The following PCSK6 variants were observed in gnomAD, a reference collection of about 807,000 sequenced individuals.
PCSK6 encodes the protein paired basic amino acid cleaving enzyme 4.
In PCSK6, 85 loss-of-function variants were observed where a neutral mutation model predicts 123.3. The observed-to-expected ratio is 0.69, with a 90% CI of 0.58 to 0.83. The LOEUF (loss-of-function observed/expected upper bound fraction) is 0.83. PCSK6 is among the 40% of genes least tolerant of loss of function. PCSK6 has a pLI of 0.00. For synonymous variants in PCSK6, 508 were observed against 516.0 expected (o/e 0.98, Z 0.21); for missense variants, 1,191 against 1,282.3 (o/e 0.93, Z 1.09).
intron 13 of PCSK6, among the ~76,000 whole-genome samples, chr15:101,359,234 C>G (rs1426467796): frequency 1.3e-5 from 2 of 152,170 alleles, no homozygotes; most frequent in Non-Finnish European, 2.9e-5. Context: ...GAGAATGTGT[C>G]CCCGCCCCCC....
At chr15:101,341,142 C>T (rs1035514425) in intron 13 of PCSK6, among the ~76,000 whole-genome samples, 8 of 151,732 alleles carry the variant, frequency 5.3e-5, no homozygotes, top group Non-Finnish European at 7.4e-5. Flanking sequence ...ACCATGTTGG[C>T]CAGGCTGGTC....
At chr15:101,440,546 A>T (rs565450250) in intron 2 of PCSK6, among the ~76,000 whole-genome samples, 45 of 152,342 alleles carry the variant, frequency 3.0e-4, no homozygotes, top group African/African-American at 1.1e-3. Context: ...GACTGGAACT[A>T]ATTAAAATAA....
At chr15:101,455,612 CT>C (rs2057158966) in intron 1 of PCSK6, among the ~76,000 whole-genome samples, 1 of 152,222 alleles carries the variant, frequency 6.6e-6, no homozygotes, top group African/African-American at 2.4e-5. Context: ...TGCTGCTGGC[CT>C]TGTGACAGCT....
At chr15:101,476,576 A>C (rs1005864413) in intron 1 of PCSK6, among the ~76,000 whole-genome samples, 2 of 145,020 alleles carry the variant, frequency 1.4e-5, no homozygotes, top group African/African-American at 2.5e-5. Flanking sequence ...AAAAAAAAAA[A>C]CAACAAAAAT....
chr15:101,414,952 G>A (rs2055835196), intron 6 of PCSK6, among the ~76,000 whole-genome samples: 1 of 151,748 alleles, frequency 6.6e-6, no homozygotes, highest in Non-Finnish European at 1.5e-5. Context: ...TGAGAAGAAG[G>A]ATGATAAAAT....
Position 101,489,329 on chromosome 15 carries a change from A to AGGCCGCCGGG in PCSK6, c.297+35_297+44dup, listed in dbSNP as rs2058105213. 3.6e-6 allele frequency: 4 copies of AGGCCGCCGGG among 1,096,908 alleles called. No homozygotes were observed. In the Admixed American group the frequency reaches 2.2e-4, roughly 61 times the overall value. 67.9% of individuals were successfully genotyped at this position (1,096,908 alleles called of 1,614,324 possible). ...GAGGCGCCCCCCTCGCGCGCGCCGGAGGCCGCCGGGAAAGTTTTGGGCGCG... is the reference window on the plus strand; with the variant it reads ...GAGGCGCCCCCCTCGCGCGCGCCGGAGGCCGCCGGGGGCCGCCGGGAAAGTTTTGGGCGCG... On this transcript the variant is annotated intron_variant, in intron 1 of 21. Coordinates refer to ENST00000611716, the MANE Select transcript of PCSK6 (RefSeq NM_002570.5).
chr15:101,405,490 G>T (rs1171772307), intron 6 of PCSK6, among the ~76,000 whole-genome samples: 1 of 152,090 alleles, frequency 6.6e-6, no homozygotes, highest in Non-Finnish European at 1.5e-5. Context: ...AAGAACTCGG[G>T]GTGCTATGGG....
chr15:101,391,852 T>G (rs12903679), intron 8 of PCSK6, among the ~76,000 whole-genome samples: 14,654 of 152,258 alleles, frequency 0.096, 747 homozygotes, highest in Middle Eastern at 0.13. Context: ...ACAAAGTATA[T>G]TTTCTCTTTT....
At position 101,431,432 on chromosome 15, in the gene PCSK6, G is replaced by A. The variant is rs773765815; in HGVS notation, c.545C>T (p.Ser182Leu). ...HCGDKNSRCR[S>L]EMNVQAAWKR... ...CCACGCTGCCTGGACATTCATTTCCGACCGGCAGCGACTGTTCTTGTCGCC... is the reference window on the plus strand; with the variant it reads ...CCACGCTGCCTGGACATTCATTTCCAACCGGCAGCGACTGTTCTTGTCGCC... Residue 182 changes from serine to leucine, a missense_variant, in exon 4 of 22, where the codon TCG becomes TTG. By Grantham distance (145) the Ser-to-Leu change is moderately radical. Coordinates refer to ENST00000611716, the MANE Select transcript of PCSK6 (RefSeq NM_002570.5). 73 of 1,613,542 alleles carry A rather than the reference G, an allele frequency of 4.5e-5. 1 individual carries two copies. Among genetic ancestry groups the A allele is most frequent in the Non-Finnish European group, 5.2e-5 (61 of 1,179,828 alleles).
At chr15:101,439,031 A>T (rs1163350468) in intron 2 of PCSK6, among the ~76,000 whole-genome samples, 3 of 152,234 alleles carry the variant, frequency 2.0e-5, no homozygotes, top group African/African-American at 4.8e-5. Context: ...CCTCAGGAGC[A>T]TGGGAGGTGA....
intron 6 of PCSK6, among the ~76,000 whole-genome samples, chr15:101,423,706 A>G (rs1345690390): frequency 6.6e-6 from 1 of 152,236 alleles, no homozygotes; most frequent in Non-Finnish European, 1.5e-5. Flanking sequence ...AGGCGTATTA[A>G]GCAATCTAAC....
At chr15:101,401,609 T>C (rs770265600) in intron 6 of PCSK6, among the ~76,000 whole-genome samples, 1 of 151,958 alleles carries the variant, frequency 6.6e-6, no homozygotes, top group East Asian at 1.9e-4. Flanking sequence ...GACCAGGTAG[T>C]GACTCTGAAG....
chr15:101,487,087 T>C (rs2058037079), intron 1 of PCSK6, among the ~76,000 whole-genome samples: 2 of 152,046 alleles, frequency 1.3e-5, no homozygotes, highest in African/African-American at 2.4e-5. Flanking sequence ...TTTCAAAGAG[T>C]TCTTATTGAG....
At chr15:101,468,755 A>T (rs1483429252) in intron 1 of PCSK6, among the ~76,000 whole-genome samples, 1 of 152,216 alleles carries the variant, frequency 6.6e-6, no homozygotes, top group African/African-American at 2.4e-5. Context: ...GTATCCACAC[A>T]GGAAGGCACA....
intron 1 of PCSK6, among the ~76,000 whole-genome samples, chr15:101,477,227 G>A (rs935547026): frequency 1.3e-4 from 20 of 152,088 alleles, no homozygotes; most frequent in South Asian, 2.1e-4. Flanking sequence ...TAAGACATTG[G>A]TGAATATATG....
intron 2 of PCSK6, 61 bp downstream of exon 2, chr15:101,443,495 A>G: frequency 8.4e-7 from 1 of 1,184,028 alleles, no homozygotes; most frequent in South Asian, 1.3e-5. Flanking sequence ...AGACTCCGCC[A>G]TTTTTAAGAC....
At chr15:101,409,445 C>T (rs933033385) in intron 6 of PCSK6, among the ~76,000 whole-genome samples, 2 of 152,060 alleles carry the variant, frequency 1.3e-5, no homozygotes, top group East Asian at 1.9e-4. Flanking sequence ...ATTAGCCGGG[C>T]GCGGTGGCGG....
chr15:101,404,254 C>G (rs897195880), intron 6 of PCSK6, among the ~76,000 whole-genome samples: 4 of 152,172 alleles, frequency 2.6e-5, no homozygotes, highest in Non-Finnish European at 5.9e-5. Context: ...TTGCTGGCAT[C>G]TATTGTAAGT....
intron 1 of PCSK6, among the ~76,000 whole-genome samples, chr15:101,483,376 G>A (rs900643463): frequency 2.0e-5 from 3 of 152,244 alleles, no homozygotes; most frequent in Admixed American, 6.5e-5. Context: ...GGCCAGGTAT[G>A]TCCTGCTCAG....
Sources: gnomAD v4.1 joint callset for allele counts (sites outside exome capture counted in the v4.1 genomes callset) on GRCh38, gnomAD v4.1.1 for gene constraint, MANE v1.5 for transcripts, NCBI Gene and HGNC (gene_info 2026-07-23, HGNC 2026-07-21) for gene names.